CNTLN: variants seen among roughly 807,000 people sequenced by gnomAD.
CNTLN encodes the protein centlein, centrosomal protein.
CNTLN carries 212 observed loss-of-function variants against 180.0 expected under a neutral mutation model. That is an observed-to-expected ratio of 1.18 (90% CI 1.05 to 1.32). CNTLN has a LOEUF of 1.32. Among genes scored for constraint, CNTLN ranks in the 40% most tolerant of loss-of-function variants. The pLI is 0.00. For missense variants in CNTLN, 2,095 were observed against 1,610.9 expected, an observed-to-expected ratio of 1.30 and a Z score of -5.14; for synonymous variants, 722 against 563.1, an observed-to-expected ratio of 1.28 and a Z score of -3.99.
Position 17,442,486 on chromosome 9 carries a change from C to T in CNTLN, c.3115-15038C>T, listed in dbSNP as rs528981909. Among the ~76,000 whole-genome samples the T allele has an allele frequency of 4.6e-5, 7 of 152,246 alleles. No individual in the cohort carries two copies. The East Asian group carries it at 9.7e-4, about 21-fold the overall frequency. The stretch of plus-strand genomic sequence containing the variant: ...TGATCTCAGCTCACTGCACCCTGCA[C>T]CTTCTGGGTTCAAGTGATTCTCCTG... On this transcript the variant is annotated intron_variant, in intron 18 of 25. Transcript: ENST00000380647.
chr9:17,398,428 T>A (rs1309250621), intron 15 of CNTLN, among the ~76,000 whole-genome samples: 1 of 152,096 alleles, frequency 6.6e-6, no homozygotes, highest in African/African-American at 2.4e-5. Flanking sequence ...CTGAGATTAA[T>A]AGGTGATTGG....
At chr9:17,218,984 C>G (rs1259868127) in intron 2 of CNTLN, among the ~76,000 whole-genome samples, 2 of 152,086 alleles carry the variant, frequency 1.3e-5, no homozygotes, top group African/African-American at 4.8e-5. Flanking sequence ...AGAAAAATGA[C>G]TGAAAGTTAG....
At chr9:17,309,630 C>A (rs930709551) in intron 8 of CNTLN, among the ~76,000 whole-genome samples, 1 of 151,302 alleles carries the variant, frequency 6.6e-6, no homozygotes. Flanking sequence ...GCCTGGTATT[C>A]GGTACTCAGT....
At chr9:17,225,690 C>G (rs2132080057) in intron 2 of CNTLN, among the ~76,000 whole-genome samples, 1 of 151,942 alleles carries the variant, frequency 6.6e-6, no homozygotes, top group South Asian at 2.1e-4. Context: ...TTCTGTTTCC[C>G]AGAGAACTAT....
At chr9:17,359,840 C>T (rs1272840985) in intron 12 of CNTLN, among the ~76,000 whole-genome samples, 1 of 150,194 alleles carries the variant, frequency 6.7e-6, no homozygotes, top group Non-Finnish European at 1.5e-5. Context: ...GCGGAGCTTG[C>T]AGTGAGCCGA....
chr9:17,292,655 T>C (rs932555927), intron 6 of CNTLN, among the ~76,000 whole-genome samples: 1 of 152,142 alleles, frequency 6.6e-6, no homozygotes, highest in Non-Finnish European at 1.5e-5. Context: ...TCCATTAGGT[T>C]ATTTATGTTC....
At chr9:17,420,479 T>C (rs1383263602) in intron 18 of CNTLN, among the ~76,000 whole-genome samples, 1 of 152,200 alleles carries the variant, frequency 6.6e-6, no homozygotes, top group Non-Finnish European at 1.5e-5. Context: ...TTGTATGTTT[T>C]GTTTTACTTT....
chr9:17,310,401 A>C (rs1819047676), intron 8 of CNTLN, among the ~76,000 whole-genome samples: 1 of 152,294 alleles, frequency 6.6e-6, no homozygotes, highest in East Asian at 1.9e-4. Flanking sequence ...TTTTTGATAT[A>C]GGTGTTTGTT....
intron 15 of CNTLN, among the ~76,000 whole-genome samples, chr9:17,401,298 T>G (rs1036740561): frequency 1.3e-5 from 2 of 152,184 alleles, no homozygotes; most frequent in African/African-American, 4.8e-5. Context: ...AACAAATACA[T>G]TTCTTGAATC....
chr9:17,505,625 GAA>G (rs1272517611), downstream of CNTLN, among the ~76,000 whole-genome samples: 3 of 152,022 alleles, frequency 2.0e-5, no homozygotes, highest in Non-Finnish European at 2.9e-5. Context: ...ACTAGCGAAA[GAA>G]ATGAAAAAGA....
In CNTLN at chr9:17,369,518, A is replaced by G. The variant is rs548696843; in HGVS notation, c.1987+2801A>G. ...GTTTTGAGGAAACTCAAAGAAATTC[A>G]AGATAACATGGAGAAGGATTTCAGA... On this transcript the variant is annotated intron_variant, in intron 13 of 25. Transcript: ENST00000380647. 2.9e-4 allele frequency among the ~76,000 whole-genome samples: 44 copies of G among 152,084 alleles called. No homozygotes were observed. In the Middle Eastern group the frequency reaches 0.02, roughly 71 times the overall value.
At chr9:17,252,440 A>G (rs1826200636) in intron 5 of CNTLN, among the ~76,000 whole-genome samples, 1 of 147,848 alleles carries the variant, frequency 6.8e-6, no homozygotes, top group Non-Finnish European at 1.5e-5. Flanking sequence ...TAGTCATTCG[A>G]ACTAGGATGA....
At chr9:17,155,298 T>G (rs983503016) in intron 2 of CNTLN, among the ~76,000 whole-genome samples, 1 of 152,208 alleles carries the variant, frequency 6.6e-6, no homozygotes, top group East Asian at 1.9e-4. Flanking sequence ...CTAGTCAGTA[T>G]ACATGGGAGT....
At chr9:17,469,380 T>C (rs1377217767) in intron 23 of CNTLN, among the ~76,000 whole-genome samples, 1 of 151,746 alleles carries the variant, frequency 6.6e-6, no homozygotes, top group Non-Finnish European at 1.5e-5. Flanking sequence ...GTATAACCTA[T>C]TTTTCAAATA....
chr9:17,241,524 G>C (rs1825492210), intron 5 of CNTLN, among the ~76,000 whole-genome samples: 1 of 152,028 alleles, frequency 6.6e-6, no homozygotes, highest in Non-Finnish European at 1.5e-5. Context: ...GCTCAGGATA[G>C]CTTTGGCTAC....
chr9:17,155,396 A>G (rs1819204865), intron 2 of CNTLN, among the ~76,000 whole-genome samples: 1 of 152,188 alleles, frequency 6.6e-6, no homozygotes, highest in South Asian at 2.1e-4. Flanking sequence ...GAGCTGTCAG[A>G]CAGGGATGTT....
Position 17,217,446 on chromosome 9 carries a change from G to A in CNTLN, c.450-8757G>A, listed in dbSNP as rs1313327271. On this transcript the variant is annotated intron_variant, in intron 2 of 25. Coordinates refer to ENST00000380647, the MANE Select transcript of CNTLN (RefSeq NM_017738.4). Reference sequence around the variant, plus strand: ...TTGTAGTCAAGCCTGAGTGAACAGTGGCCTGTGGGAATTCAGCTGGTGTTG... The same window carrying A: ...TTGTAGTCAAGCCTGAGTGAACAGTAGCCTGTGGGAATTCAGCTGGTGTTG... 2.6e-4 allele frequency among the ~76,000 whole-genome samples: 40 copies of A among 152,300 alleles called. No homozygotes were observed. The South Asian group carries it at 8.1e-3, about 31-fold the overall frequency.
chr9:17,493,695 T>C (rs1833292940), intron 25 of CNTLN, among the ~76,000 whole-genome samples: 2 of 152,156 alleles, frequency 1.3e-5, no homozygotes, highest in Admixed American at 1.3e-4. Flanking sequence ...CAATGGGTAA[T>C]AAAATCAAAA....
intron 5 of CNTLN, among the ~76,000 whole-genome samples, chr9:17,251,694 AT>A (rs536333112): frequency 4.3e-4 from 66 of 151,744 alleles, no homozygotes; most frequent in Non-Finnish European, 8.6e-4. Context: ...AAGTCAGGGT[AT>A]TTGGGGTCTC....
Sources: gnomAD v4.1 joint callset for allele counts (sites outside exome capture counted in the v4.1 genomes callset) on GRCh38, gnomAD v4.1.1 for gene constraint, MANE v1.5 for transcripts, NCBI Gene and HGNC (gene_info 2026-07-23, HGNC 2026-07-21) for gene names.